Variants in RAD51B observed in about 807,000 individuals in gnomAD.
The protein encoded by RAD51B is DNA repair protein RAD51 homolog 2.
A neutral mutation model predicts 42.2 loss-of-function variants in RAD51B; 38 were observed. The observed-to-expected ratio is 0.90, with a 90% CI of 0.70 to 1.18. The LOEUF is 1.18. Ranked by LOEUF, RAD51B falls within the 50% of genes most tolerant of loss-of-function variation. RAD51B has a pLI of 0.00. For missense variants in RAD51B, 373 were observed against 400.7 expected (o/e 0.93, Z 0.59); for synonymous variants, 154 against 145.2 (o/e 1.06, Z -0.43).
chr14:67,946,210 A>T (rs2045385177), intron 7 of RAD51B, among the ~76,000 whole-genome samples: 1 of 152,216 alleles, frequency 6.6e-6, no homozygotes, highest in Non-Finnish European at 1.5e-5. Context: ...TTCAACTTTT[A>T]ATCAGATAAA....
chr14:68,167,267 G>A (rs2078772318), intron 7 of RAD51B, among the ~76,000 whole-genome samples: 1 of 152,104 alleles, frequency 6.6e-6, no homozygotes, highest in African/African-American at 2.4e-5. Flanking sequence ...AACATGCCAT[G>A]TTGTTGGACA....
intron 7 of RAD51B, among the ~76,000 whole-genome samples, chr14:68,235,732 A>T (rs1045087446): frequency 6.7e-6 from 1 of 148,672 alleles, no homozygotes; most frequent in African/African-American, 2.5e-5. Flanking sequence ...AAAAAAAAAA[A>T]GAGCTGAGAT....
At chr14:68,682,887 TAATAAAAATCTGTAGCTTATGGC>T in intron 11 of RAD51B, 1 of 919,176 alleles carries the variant, frequency 1.1e-6, no homozygotes, top group Non-Finnish European at 1.3e-6. Context: ...TTTTTTTTTT[TAATAAAAATCTGTAGCTTATGGC>T]TTTTTTTTTT....
At chr14:67,970,158 G>A (rs988885733) in intron 7 of RAD51B, among the ~76,000 whole-genome samples, 5 of 152,062 alleles carry the variant, frequency 3.3e-5, no homozygotes, top group East Asian at 3.9e-4. Flanking sequence ...CTTACCCAGG[G>A]ATGTTTTGTG....
At chr14:68,362,897 C>T (rs2083060817) in intron 8 of RAD51B, among the ~76,000 whole-genome samples, 1 of 151,840 alleles carries the variant, frequency 6.6e-6, no homozygotes, top group African/African-American at 2.4e-5. Flanking sequence ...GTTGTTAGCT[C>T]CTTCTCACTT....
chr14:68,323,323 T>G (rs941132772), intron 8 of RAD51B, among the ~76,000 whole-genome samples: 11 of 152,228 alleles, frequency 7.2e-5, no homozygotes, highest in Non-Finnish European at 1.2e-4. Flanking sequence ...AGCATTCATT[T>G]ATTTGTTCCT....
intron 8 of RAD51B, among the ~76,000 whole-genome samples, chr14:68,349,129 A>T (rs937784480): frequency 6.6e-6 from 1 of 151,900 alleles, no homozygotes; most frequent in Non-Finnish European, 1.5e-5. Context: ...ATGTCACAAA[A>T]TTTTTTTTGT....
At chr14:68,212,193 T>C (rs2079724808) in intron 7 of RAD51B, among the ~76,000 whole-genome samples, 1 of 152,188 alleles carries the variant, frequency 6.6e-6, no homozygotes. Flanking sequence ...AATGAAATAG[T>C]GCCATTTAGT....
intron 10 of RAD51B, among the ~76,000 whole-genome samples, chr14:68,483,872 G>A (rs997086826): frequency 3.9e-5 from 6 of 152,152 alleles, no homozygotes; most frequent in Non-Finnish European, 8.8e-5. Flanking sequence ...TTTCCTTCCA[G>A]TTTAGCCCTC....
chr14:68,145,385 C>T (rs2078228359), intron 7 of RAD51B, among the ~76,000 whole-genome samples: 1 of 152,180 alleles, frequency 6.6e-6, no homozygotes, highest in Admixed American at 6.5e-5. Flanking sequence ...GTACATTAGG[C>T]AAGGAACCAA....
chr14:67,945,271 G>C (rs1291794694), intron 7 of RAD51B, among the ~76,000 whole-genome samples: 2 of 152,130 alleles, frequency 1.3e-5, no homozygotes, highest in Non-Finnish European at 2.9e-5. Context: ...CTTCTAATTG[G>C]CTTCTCTAGT....
intron 7 of RAD51B, among the ~76,000 whole-genome samples, chr14:68,073,103 G>A (rs567759767): frequency 9.9e-5 from 15 of 152,258 alleles, no homozygotes; most frequent in Middle Eastern, 6.8e-3. Context: ...TGGTTTGTCC[G>A]ATACTGTCAG....
intron 8 of RAD51B, among the ~76,000 whole-genome samples, chr14:68,393,378 A>G (rs980644618): frequency 1.3e-5 from 2 of 152,178 alleles, no homozygotes; most frequent in African/African-American, 2.4e-5. Flanking sequence ...CGGAGTTTCA[A>G]TTGGGATGTC....
intron 7 of RAD51B, among the ~76,000 whole-genome samples, chr14:68,076,284 T>C (rs2076832432): frequency 6.6e-6 from 1 of 152,218 alleles, no homozygotes. Flanking sequence ...GAGCTATAAG[T>C]AGAGCTTTCT....
chr14:67,824,138 C>A (rs77173134), intron 2 of RAD51B, among the ~76,000 whole-genome samples: 3 of 152,232 alleles, frequency 2.0e-5, no homozygotes, highest in Non-Finnish European at 4.4e-5. Context: ...GCTGCCCCAG[C>A]TGATCTTGAA....
chr14:68,006,757 G>T (rs989063260), intron 7 of RAD51B, among the ~76,000 whole-genome samples: 1 of 152,126 alleles, frequency 6.6e-6, no homozygotes, highest in African/African-American at 2.4e-5. Context: ...AAGCAAAGCT[G>T]AAATTAGGAT....
intron 9 of RAD51B, among the ~76,000 whole-genome samples, chr14:68,465,949 A>AAAAAAAT (rs1555414301): frequency 2.0e-5 from 2 of 100,070 alleles, no homozygotes; most frequent in African/African-American, 6.9e-5. Flanking sequence ...TCAAAAAAAA[A>AAAAAAAT]AAAAATAAAT....
At chr14:68,474,290 C>T (rs1040245777) in intron 10 of RAD51B, among the ~76,000 whole-genome samples, 2 of 152,184 alleles carry the variant, frequency 1.3e-5, no homozygotes, top group African/African-American at 2.4e-5. Context: ...AATTTATACT[C>T]GTTCTGGAGA....
chr14:68,439,407 T>G (rs1594840200), intron 9 of RAD51B, among the ~76,000 whole-genome samples: 1 of 152,218 alleles, frequency 6.6e-6, no homozygotes, highest in East Asian at 1.9e-4. Context: ...CCTATTTTCA[T>G]TTCAGCTCTT....
Sources: gnomAD v4.1 joint callset for allele counts (sites outside exome capture counted in the v4.1 genomes callset) on GRCh38, gnomAD v4.1.1 for gene constraint, MANE v1.5 for transcripts, NCBI Gene and HGNC (gene_info 2026-07-23, HGNC 2026-07-21) for gene names.